The following ARHGAP42 variants were observed in gnomAD, a reference collection of about 807,000 sequenced individuals.
ARHGAP42 encodes rho GTPase-activating protein 42.
A neutral mutation model predicts 125.0 loss-of-function variants in ARHGAP42; 63 were observed. The ratio of observed to expected loss-of-function variants is 0.50; its 90% confidence interval spans 0.41 to 0.62. The LOEUF (loss-of-function observed/expected upper bound fraction) is 0.62. Ranked by LOEUF, ARHGAP42 falls within the 20% of genes least tolerant of loss-of-function variation. The pLI is 0.00. For missense variants in ARHGAP42, 766 were observed against 1,024.2 expected (o/e 0.75, Z 3.44); for synonymous variants, 339 against 351.0 (o/e 0.97, Z 0.38).
intron 3 of ARHGAP42, among the ~76,000 whole-genome samples, chr11:100,814,572 A>G (rs1232742801): frequency 6.6e-6 from 1 of 152,160 alleles, no homozygotes; most frequent in East Asian, 1.9e-4. Flanking sequence ...GCTGTACAGG[A>G]AGCATAGCAA....
At chr11:100,787,693 C>A (rs976173971) in intron 2 of ARHGAP42, among the ~76,000 whole-genome samples, 4 of 152,118 alleles carry the variant, frequency 2.6e-5, no homozygotes, top group East Asian at 3.9e-4. Context: ...AGAACCCAGG[C>A]GTGGAGGGAG....
intron 1 of ARHGAP42, among the ~76,000 whole-genome samples, chr11:100,715,027 C>T (rs1201330855): frequency 8.9e-6 from 1 of 112,614 alleles, no homozygotes; most frequent in Non-Finnish European, 1.6e-5. Context: ...GCAGGCTGGG[C>T]GATGCAGTGA....
intron 2 of ARHGAP42, among the ~76,000 whole-genome samples, chr11:100,772,505 GTCCA>G (rs1245955853): frequency 6.6e-6 from 1 of 152,162 alleles, no homozygotes; most frequent in African/African-American, 2.4e-5. Context: ...ATCAAAGATG[GTCCA>G]GCCATGCCTG....
chr11:100,948,598 A>T, intron 11 of ARHGAP42, 63 bp downstream of exon 11: 1 of 1,285,766 alleles, frequency 7.8e-7, no homozygotes, highest in Non-Finnish European at 1.1e-6. Flanking sequence ...ATGTATGGAA[A>T]TTCTTTTCAT....
At chr11:100,982,537 C>T (rs897465678) in intron 22 of ARHGAP42, among the ~76,000 whole-genome samples, 1 of 152,186 alleles carries the variant, frequency 6.6e-6, no homozygotes, top group African/African-American at 2.4e-5. Context: ...TATAAAATCC[C>T]TTTAAAAGCC....
intron 1 of ARHGAP42, among the ~76,000 whole-genome samples, chr11:100,735,902 T>C (rs538603756): frequency 7.2e-5 from 11 of 151,962 alleles, no homozygotes; most frequent in African/African-American, 2.7e-4. Context: ...AGGCGTGAGC[T>C]ACCGCGCCCA....
chr11:100,852,795 A>G (rs1231349325), intron 3 of ARHGAP42, among the ~76,000 whole-genome samples: 1 of 152,178 alleles, frequency 6.6e-6, no homozygotes, highest in African/African-American at 2.4e-5. Context: ...ACTAACAAAC[A>G]TAGGAACATC....
At chr11:100,726,636 G>T (rs186868377) in intron 1 of ARHGAP42, among the ~76,000 whole-genome samples, 1 of 152,316 alleles carries the variant, frequency 6.6e-6, no homozygotes, top group Admixed American at 6.5e-5. Context: ...AGAAAGTCAT[G>T]TTATTTGGGG....
At chr11:100,687,860 A>T (rs777093736) in intron 1 of ARHGAP42, 28 bp downstream of exon 1, 137 of 1,531,886 alleles carry the variant, frequency 8.9e-5, no homozygotes, top group Non-Finnish European at 9.9e-5. Context: ...GGGAGTGGAC[A>T]CCCGCATCTG....
chr11:100,827,147 G>A (rs111781154), intron 3 of ARHGAP42, among the ~76,000 whole-genome samples: 1,766 of 151,662 alleles, frequency 0.012, 42 homozygotes, highest in African/African-American at 0.04. Context: ...GGGATTACAT[G>A]GGCTGCCACC....
chr11:100,935,309 A>C (rs1228198047), intron 7 of ARHGAP42, among the ~76,000 whole-genome samples: 3 of 152,186 alleles, frequency 2.0e-5, no homozygotes, highest in Non-Finnish European at 2.9e-5. Context: ...TTCTTGCAAC[A>C]GAAGAAGTTA....
At position 100,962,410 on chromosome 11, in the gene ARHGAP42, T is replaced by C. The variant is rs1193710077; in HGVS notation, c.1387T>C (p.Cys463Arg). Residue 463 changes from cysteine to arginine, a missense_variant and splice_region_variant, in exon 16 of 24, where the codon TGC (cysteine) becomes CGC (arginine). Physicochemically the swap from Cys to Arg is radical, Grantham distance 180. Transcript: ENST00000298815. ...ITSGLKNYLR[C>R]LAEPLMTYKL... ...ATGTGTTTCCTTTCTCTGTTGTAGG[T>C]GCCTTGCAGAACCACTGATGACTTA... is the stretch of plus-strand genomic sequence containing the variant. 2 of 1,550,686 alleles carry C rather than the reference T, an allele frequency of 1.3e-6. No homozygotes were observed. The highest frequency in any genetic ancestry group is 1.7e-6 in the Non-Finnish European group (2 of 1,146,336).
intron 2 of ARHGAP42, among the ~76,000 whole-genome samples, chr11:100,772,470 G>A (rs1863006181): frequency 6.6e-6 from 1 of 152,142 alleles, no homozygotes; most frequent in Non-Finnish European, 1.5e-5. Flanking sequence ...GTAGTGGCTG[G>A]TCTTCTTTGG....
intron 12 of ARHGAP42, among the ~76,000 whole-genome samples, chr11:100,950,675 G>A (rs1808971046): frequency 6.6e-6 from 1 of 151,756 alleles, no homozygotes; most frequent in Non-Finnish European, 1.5e-5. Context: ...TTTATCTGTG[G>A]TTAGTTTAGG....
At chr11:100,952,450 A>G in intron 12 of ARHGAP42, among the ~76,000 whole-genome samples, 1 of 152,178 alleles carries the variant, frequency 6.6e-6, no homozygotes, top group East Asian at 1.9e-4. Flanking sequence ...TAAACCTTCT[A>G]AATAAATACA....
intron 23 of ARHGAP42, among the ~76,000 whole-genome samples, chr11:100,988,126 A>G (rs1028714656): frequency 3.3e-5 from 5 of 152,180 alleles, no homozygotes; most frequent in African/African-American, 9.6e-5. Flanking sequence ...GACTCTGTCT[A>G]TAAATAAATA....
Position 100,992,030 on chromosome 11 carries a change from A to T in ARHGAP42, c.*3229A>T. ...GCAAACAGATTTCTCACTATCATCC[A>T]GTGTACCCTGCTCACCTTCTCACTC... On this transcript the variant is annotated 3_prime_UTR_variant, in exon 24 of 24. Coordinates refer to ENST00000298815, the MANE Select transcript of ARHGAP42 (RefSeq NM_152432.4). The T allele has an allele frequency of 2.7e-6, 1 of 374,076 alleles. No homozygotes were observed. Among genetic ancestry groups the T allele is most frequent in the Non-Finnish European group, 4.8e-6 (1 of 209,488 alleles). The allele number at this position is 374,076 out of a possible 1,614,324, so 23.2% of individuals were successfully genotyped here.
At chr11:100,826,215 C>T (rs2135084868) in intron 3 of ARHGAP42, among the ~76,000 whole-genome samples, 1 of 152,150 alleles carries the variant, frequency 6.6e-6, no homozygotes, top group Middle Eastern at 3.4e-3. Flanking sequence ...ATTTCTGTGG[C>T]TTGGTGTGGA....
At chr11:100,929,577 A>G (rs7126456) in intron 6 of ARHGAP42, among the ~76,000 whole-genome samples, 30,761 of 152,050 alleles carry the variant, frequency 0.2, 4,866 homozygotes, top group African/African-American at 0.44. Context: ...CACACTTGCT[A>G]TTATCTCACT....
Sources: allele counts gnomAD v4.1 joint callset (sites outside exome capture counted in the v4.1 genomes callset), GRCh38; gene constraint gnomAD v4.1.1; transcripts MANE v1.5; gene names NCBI Gene and HGNC (gene_info 2026-07-23, HGNC 2026-07-21).